The following COL6A3 variants were observed in gnomAD, a reference collection of about 807,000 sequenced individuals.
COL6A3 encodes collagen type VI alpha 3 chain, also known as collagen alpha-3(VI) chain.
A neutral mutation model predicts 274.1 loss-of-function variants in COL6A3; 137 were observed. The observed-to-expected ratio is 0.50, with a 90% CI of 0.44 to 0.58. COL6A3 has a LOEUF of 0.58. COL6A3 is among the 20% of genes least tolerant of loss of function. The pLI, the probability that COL6A3 is intolerant of heterozygous loss-of-function variation, is 0.00. For synonymous variants in COL6A3, 1,650 were observed against 1,650.6 expected (o/e 1.00, Z 0.01); for missense variants, 3,950 against 4,124.9 (o/e 0.96, Z 1.16).
chr2:237,332,982 T>A, intron 42 of COL6A3: 1 of 243,076 alleles, frequency 4.1e-6, no homozygotes, highest in Non-Finnish European at 8.2e-6. Context: ...TAAGCTGGGG[T>A]GTGTGCTTAG....
At position 237,340,606 on chromosome 2, in the gene COL6A3, C is replaced by G. The variant is rs766217603; in HGVS notation, c.8310G>C (p.Val2770=). 1.9e-6 allele frequency: 3 copies of G among 1,614,212 alleles called. No homozygotes were observed. In the South Asian group the frequency reaches 3.3e-5, roughly 18 times the overall value. Residue 2770 remains valine (V), a synonymous_variant, in exon 38 of 44, where the codon GTG becomes GTC. Transcript: ENST00000295550. The part of the protein sequence containing the change: ...LQAKCKGYFF[V]VLGIGRKVNI... Reference sequence around the variant, plus strand: ...TCACCTTCCTGCCAATGCCCAGGACCACGAAGAAGTAGCCCTTGCATTTGG... The same window carrying G: ...TCACCTTCCTGCCAATGCCCAGGACGACGAAGAAGTAGCCCTTGCATTTGG...
intron 2 of COL6A3, among the ~76,000 whole-genome samples, chr2:237,395,553 A>C (rs1381540847): frequency 1.3e-5 from 2 of 152,228 alleles, no homozygotes; most frequent in Non-Finnish European, 2.9e-5. Context: ...ATTAAACCAG[A>C]AGGAAGTCTT....
chr2:237,396,227 C>T (rs991431446), intron 2 of COL6A3, among the ~76,000 whole-genome samples: 2 of 152,304 alleles, frequency 1.3e-5, no homozygotes, highest in East Asian at 1.9e-4. Flanking sequence ...AGAACCCATG[C>T]TTTTAATTCG....
intron 1 of COL6A3, among the ~76,000 whole-genome samples, chr2:237,408,704 T>C (rs1336599947): frequency 6.6e-6 from 1 of 152,204 alleles, no homozygotes; most frequent in East Asian, 1.9e-4. Flanking sequence ...ACATTTCCCA[T>C]TGTACTTTTC....
chr2:237,383,584 G>A (rs951161826), intron 4 of COL6A3, among the ~76,000 whole-genome samples: 2 of 151,794 alleles, frequency 1.3e-5, no homozygotes, highest in Non-Finnish European at 2.9e-5. Context: ...TTCCATATAT[G>A]CTATACCATG....
Position 237,325,654 on chromosome 2 carries a change from G to A in COL6A3, c.9399C>T (p.Asn3133=), listed in dbSNP as rs1359844163. 1.9e-6 allele frequency: 3 copies of A among 1,614,108 alleles called. No homozygotes were observed. In the East Asian group the frequency reaches 6.7e-5, roughly 36 times the overall value. Residue 3133 remains asparagine, a synonymous_variant, in exon 43 of 44, where the codon AAC becomes AAT. Coordinates refer to ENST00000295550, the MANE Select transcript of COL6A3 (RefSeq NM_004369.4). ...DFILKWYYDP[N]TKSCARFWYG... ...ACCAGAATCTTGCACAGCTTTTGGTGTTTGGATCATAGTACCATTTTAATA... is the reference window on the plus strand; with the variant it reads ...ACCAGAATCTTGCACAGCTTTTGGTATTTGGATCATAGTACCATTTTAATA...
intron 26 of COL6A3, among the ~76,000 whole-genome samples, chr2:237,351,804 T>C (rs1205934587): frequency 1.3e-5 from 2 of 152,250 alleles, no homozygotes; most frequent in Non-Finnish European, 2.9e-5. Context: ...GATATGTATT[T>C]ATCAGCTTTC....
intron 31 of COL6A3, among the ~76,000 whole-genome samples, chr2:237,346,941 G>T (rs1057188999): frequency 1.3e-5 from 2 of 151,474 alleles, no homozygotes; most frequent in Non-Finnish European, 2.9e-5. Flanking sequence ...AGCTCTTTGG[G>T]ATATTAAATG....
At chr2:237,377,631 C>T (rs1311179600) in intron 6 of COL6A3, among the ~76,000 whole-genome samples, 3 of 152,196 alleles carry the variant, frequency 2.0e-5, no homozygotes, top group Admixed American at 1.3e-4. Flanking sequence ...TGTGTTCTTA[C>T]ATCAGGTGGC....
In COL6A3 at chr2:237,371,704, A is replaced by AG; in HGVS notation, c.4285+27dup. The AG allele has an allele frequency of 6.4e-7, 1 of 1,557,568 alleles. No homozygotes were observed. The highest frequency in any genetic ancestry group is 8.7e-7 in the Non-Finnish European group (1 of 1,153,540). ...TATTTTTCATATGGAAAATGCTCCA[A>AG]GGAGAACCTCCGACGCCCCCATCTC... On this transcript the variant is annotated intron_variant, in intron 9 of 43. Transcript: ENST00000295550. The surrounding 1 kb of genome is among the most constrained non-coding windows in gnomAD (Gnocchi z 4.3).
In COL6A3 at chr2:237,371,985, C is replaced by T. The variant is rs145048734; in HGVS notation, c.4032G>A (p.Ser1344=). Residue 1344 remains serine (S), a synonymous_variant, in exon 9 of 44, where the codon TCG becomes TCA. Transcript: ENST00000295550. This position sits in a 1 kb window ranked among gnomAD's most constrained non-coding sequence, Gnocchi z 4.3. ...EGVPQFLVLI[S]SGKSDDEVDD... ...CCACCTCATCGTCAGACTTTCCAGACGAGATGAGGACCAGGAACTGCGGGA... is the reference window on the plus strand; with the variant it reads ...CCACCTCATCGTCAGACTTTCCAGATGAGATGAGGACCAGGAACTGCGGGA... 1.9e-4 allele frequency: 314 copies of T among 1,614,144 alleles called. 1 individual carries two copies. The South Asian group carries it at 2.3e-3, about 12-fold the overall frequency.
intron 41 of COL6A3, among the ~76,000 whole-genome samples, chr2:237,334,094 TG>T (rs967949159): frequency 3.9e-5 from 6 of 151,986 alleles, no homozygotes; most frequent in Non-Finnish European, 7.4e-5. Context: ...CTCAGTGAAA[TG>T]GGGGGGCCCC....
At position 237,351,210 on chromosome 2, in the gene COL6A3, G is replaced by A. The variant is rs1229212393; in HGVS notation, c.6754-18C>T. ...CCGCTTCCCTGGAGCAGGAGGGGAG[G>A]AATGTGTCAGTGAAGTGGCCAACCG... On this transcript the variant is annotated intron_variant, in intron 26 of 43. Transcript: ENST00000295550. 2 of 1,613,764 alleles carry A rather than the reference G, an allele frequency of 1.2e-6. No individual in the cohort carries two copies. Among genetic ancestry groups the A allele is most frequent in the Admixed American group, 3.3e-5 (2 of 60,022 alleles).
At chr2:237,370,353 C>T (rs569983082) in intron 9 of COL6A3, among the ~76,000 whole-genome samples, 8 of 151,894 alleles carry the variant, frequency 5.3e-5, no homozygotes, top group Non-Finnish European at 1.0e-4. Flanking sequence ...ATTCATCTGC[C>T]TCAGCCTCCC....
chr2:237,359,377 T>C lies in COL6A3; in HGVS notation c.6294A>G (p.Gly2098=), dbSNP rs773663940. Residue 2098 remains glycine (G), a synonymous_variant, in exon 18 of 44, where the codon GGA becomes GGG. Coordinates refer to ENST00000295550, the MANE Select transcript of COL6A3 (RefSeq NM_004369.4). ...GCTTGCATACCTTCTCTCCTGGGAA[T>C]CCCCGAGAGCCCTAGAAGGCAAGGC... ...PGQRGVKGSR[G]FPGEKGEVGE... The C allele has an allele frequency of 1.5e-5, 25 of 1,613,734 alleles. No individual in the cohort carries two copies. The highest frequency in any genetic ancestry group is 4.2e-6 in the Non-Finnish European group (5 of 1,179,964).
intron 27 of COL6A3, 68 bp from the exon 28 acceptor site, chr2:237,350,277 GC>G: frequency 6.8e-7 from 1 of 1,478,332 alleles, no homozygotes; most frequent in Non-Finnish European, 9.4e-7. Flanking sequence ...GCCAAGCCAT[GC>G]TTTTGCTCTA....
chr2:237,367,625 C>T (rs1186228969), intron 10 of COL6A3, among the ~76,000 whole-genome samples: 10 of 152,208 alleles, frequency 6.6e-5, no homozygotes, highest in African/African-American at 2.2e-4. Flanking sequence ...CTGGCTTTGA[C>T]ATTTGTGATC....
At position 237,387,728 on chromosome 2, in the gene COL6A3, A is replaced by G. The variant is rs773263495; in HGVS notation, c.1166T>C (p.Leu389Pro). The G allele has an allele frequency of 6.2e-7, 1 of 1,614,072 alleles. No homozygotes were observed. Among genetic ancestry groups the G allele is most frequent in the South Asian group, 1.1e-5 (1 of 91,046 alleles). ...LGAQAASRAELQHIATDDNLV... is the reference protein window; with the variant it reads ...LGAQAASRAEPQHIATDDNLV... ...GTTGTCATCGGTAGCTATGTGCTGA[A>G]GCTCTGCCCTGGAGGCGGCCTGGGC... The change falls in exon 4 of 44, where the codon CTT (leucine) becomes CCT (proline). Residue 389 changes from leucine (L) to proline (P), a missense_variant. Around this residue, in one of 5 missense-constraint regions of COL6A3, gnomAD observed 1,934 missense variants for 1,984.3 expected, o/e 0.97. Coordinates refer to ENST00000295550, the MANE Select transcript of COL6A3 (RefSeq NM_004369.4).
chr2:237,377,179 G>C lies in COL6A3; in HGVS notation c.2663C>G (p.Ser888Cys), dbSNP rs780855121. The C allele has an allele frequency of 1.2e-6, 2 of 1,614,110 alleles. No individual in the cohort carries two copies. Among genetic ancestry groups the C allele is most frequent in the Non-Finnish European group, 1.7e-6 (2 of 1,180,024 alleles). ...CTTACTCTGGTGCTCATCAAAACGG[G>C]ACTCCACCTTGACATCATCGCTGTA... ...AQYSDDVKVESRFDEHQSKPE... is the reference protein window; with the variant it reads ...AQYSDDVKVECRFDEHQSKPE... Residue 888 changes from serine to cysteine, a missense_variant, in exon 7 of 44, where the codon TCC becomes TGC. By Grantham distance (112) the Ser-to-Cys change is moderately radical. Around this residue, in one of 5 missense-constraint regions of COL6A3, gnomAD observed 1,934 missense variants for 1,984.3 expected, o/e 0.97. Transcript: ENST00000295550.
Sources: allele counts gnomAD v4.1 joint callset (sites outside exome capture counted in the v4.1 genomes callset), GRCh38; gene constraint gnomAD v4.1.1; regional missense constraint gnomAD v4.1.1; non-coding constraint Gnocchi (gnomAD v3.1); transcripts MANE v1.5; gene names NCBI Gene and HGNC (gene_info 2026-07-23, HGNC 2026-07-21).